Variants in RANBP2 observed in about 807,000 individuals in gnomAD.
The protein encoded by RANBP2 is E3 SUMO-protein ligase RanBP2.
A neutral mutation model predicts 303.6 loss-of-function variants in RANBP2; 57 were observed. That is an observed-to-expected ratio of 0.19 (90% CI 0.15 to 0.23). The LOEUF (loss-of-function observed/expected upper bound fraction) is 0.23, where lower values mean the gene tolerates loss of function less well. RANBP2 is among the 10% of genes least tolerant of loss of function. RANBP2 has a pLI of 1.00. For synonymous variants in RANBP2, 1,167 were observed against 1,301.5 expected, an observed-to-expected ratio of 0.90 and a Z score of 2.23; for missense variants, 3,138 against 3,780.8, an observed-to-expected ratio of 0.83 and a Z score of 4.46.
the RANBP2 span, among the ~76,000 whole-genome samples, chr2:109,677,448 T>C: frequency 6.6e-6 from 1 of 152,226 alleles, no homozygotes; most frequent in Admixed American, 6.5e-5. Context: ...CCCTGGCATG[T>C]ACCCAACAGA....
At chr2:109,450,712 A>G in the RANBP2 span, among the ~76,000 whole-genome samples, 1 of 152,154 alleles carries the variant, frequency 6.6e-6, no homozygotes, top group Non-Finnish European at 1.5e-5. Flanking sequence ...CCAATAAGCA[A>G]TTCTCCAGGG....
At chr2:108,829,736 A>G in the RANBP2 span, among the ~76,000 whole-genome samples, 1 of 152,152 alleles carries the variant, frequency 6.6e-6, no homozygotes, top group African/African-American at 2.4e-5. Context: ...ACAAATTGAG[A>G]CTGTGTCAAT....
the RANBP2 span, among the ~76,000 whole-genome samples, chr2:109,254,547 C>T: frequency 1.3e-5 from 2 of 152,234 alleles, no homozygotes; most frequent in African/African-American, 2.4e-5. Flanking sequence ...GGCAATACAA[C>T]ATTGTAGATG....
the RANBP2 span, among the ~76,000 whole-genome samples, chr2:109,494,116 C>T: frequency 1.3e-5 from 2 of 152,192 alleles, no homozygotes; most frequent in Non-Finnish European, 2.9e-5. Flanking sequence ...TCCTTCTTCC[C>T]CAGACCCCTC....
the RANBP2 span, among the ~76,000 whole-genome samples, chr2:109,221,998 G>C: frequency 2.6e-5 from 4 of 151,806 alleles, no homozygotes; most frequent in African/African-American, 9.7e-5. Flanking sequence ...AAAAAACACA[G>C]GGGATACTAT....
At chr2:109,179,376 A>G in the RANBP2 span, among the ~76,000 whole-genome samples, 1 of 152,194 alleles carries the variant, frequency 6.6e-6, no homozygotes, top group South Asian at 2.1e-4. Context: ...GCAGAACGTG[A>G]GAGGACATGA....
intron 7 of RANBP2, 139 bp downstream of exon 7, chr2:108,740,820 G>A: frequency 7.2e-7 from 1 of 1,385,040 alleles, no homozygotes; most frequent in East Asian, 2.3e-5. Context: ...TTGATACAGT[G>A]GAAAATAACT....
At chr2:109,766,607 C>CT in the RANBP2 span, among the ~76,000 whole-genome samples, 1 of 150,222 alleles carries the variant, frequency 6.7e-6, no homozygotes, top group Non-Finnish European at 1.5e-5. Context: ...TGCTAAGAAT[C>CT]TATTTTGGGA....
At chr2:109,224,910 T>G in the RANBP2 span, among the ~76,000 whole-genome samples, 2 of 152,174 alleles carry the variant, frequency 1.3e-5, no homozygotes, top group Admixed American at 6.5e-5. Flanking sequence ...ATTTAAATAA[T>G]TACCTGTGGC....
chr2:109,341,614 T>A, the RANBP2 span, among the ~76,000 whole-genome samples: 1 of 152,248 alleles, frequency 6.6e-6, no homozygotes, highest in Admixed American at 6.5e-5. Flanking sequence ...TCCTTTTTCT[T>A]ACTTCATGGT....
At chr2:108,754,699 A>G (rs1172094732) in intron 15 of RANBP2, among the ~76,000 whole-genome samples, 1 of 152,226 alleles carries the variant, frequency 6.6e-6, no homozygotes, top group South Asian at 2.1e-4. Flanking sequence ...AGAAAAAAAT[A>G]TAATAAAGGC....
intron 9 of RANBP2, among the ~76,000 whole-genome samples, chr2:108,749,871 C>T (rs1675716772): frequency 6.6e-6 from 1 of 152,138 alleles, no homozygotes; most frequent in Non-Finnish European, 1.5e-5. Flanking sequence ...GGGATTAGGC[C>T]TGGCACAGTG....
the RANBP2 span, among the ~76,000 whole-genome samples, chr2:109,629,330 TA>T: frequency 2.7e-3 from 53 of 19,666 alleles, 5 homozygotes; most frequent in African/African-American, 0.01. Flanking sequence ...TATATATATA[TA>T]TATATATATA....
the RANBP2 span, among the ~76,000 whole-genome samples, chr2:109,697,512 T>C: frequency 6.6e-6 from 1 of 151,946 alleles, no homozygotes; most frequent in African/African-American, 2.4e-5. Context: ...GAGGCTTTTT[T>C]CCCCTGAATT....
chr2:108,764,888 C>T lies in RANBP2; in HGVS notation c.4349C>T (p.Ser1450Leu). The change falls in exon 20 of 29, where the codon TCA (serine) becomes TTA (leucine). Residue 1450 changes from serine (S) to leucine (L), a missense_variant. Around this residue, in one of 20 missense-constraint regions of RANBP2, gnomAD observed 388 missense variants for 328.5 expected, o/e 1.18. Transcript: ENST00000283195. ...AAATCTGCTAACAAAAGTGGATCTT[C>T]ATTTGTTCATCAAGCTTCATTTAAA... is the stretch of plus-strand genomic sequence containing the variant. ...NTKSANKSGS[S>L]FVHQASFKFG... is the part of the protein sequence containing the mutation. The T allele has an allele frequency of 6.2e-7, 1 of 1,613,986 alleles. No individual in the cohort carries two copies. Among genetic ancestry groups the T allele is most frequent in the Non-Finnish European group, 8.5e-7 (1 of 1,179,918 alleles).
the RANBP2 span, among the ~76,000 whole-genome samples, chr2:108,922,613 C>T: frequency 6.6e-6 from 1 of 152,258 alleles, no homozygotes; most frequent in East Asian, 1.9e-4. Flanking sequence ...GGGGTAGTGG[C>T]GCCTTATGGA....
chr2:109,155,072 C>T, the RANBP2 span, among the ~76,000 whole-genome samples: 1 of 152,176 alleles, frequency 6.6e-6, no homozygotes, highest in Non-Finnish European at 1.5e-5. Context: ...GGGGCTCTGG[C>T]CTCCCTCCGG....
the RANBP2 span, among the ~76,000 whole-genome samples, chr2:108,842,574 C>A: frequency 6.6e-6 from 1 of 152,102 alleles, no homozygotes; most frequent in African/African-American, 2.4e-5. Context: ...GTCACTGTGG[C>A]ATGTTCACAC....
chr2:109,569,379 C>T, the RANBP2 span, among the ~76,000 whole-genome samples: 3,545 of 150,208 alleles, frequency 0.024, 61 homozygotes, highest in Middle Eastern at 0.062. Flanking sequence ...TGCAGTGAGC[C>T]GAGATCGCGT....
Sources: gnomAD v4.1 joint callset for allele counts (sites outside exome capture counted in the v4.1 genomes callset) on GRCh38, gnomAD v4.1.1 for gene constraint, gnomAD v4.1.1 regional missense constraint, MANE v1.5 for transcripts, NCBI Gene and HGNC (gene_info 2026-07-23, HGNC 2026-07-21) for gene names.